The following SV2C variants were observed in gnomAD, a reference collection of about 807,000 sequenced individuals.
SV2C encodes the protein solute carrier family 22 member B3.
In SV2C, 49 loss-of-function variants were observed where a neutral mutation model predicts 79.7. That is an observed-to-expected ratio of 0.61 (90% CI 0.49 to 0.78). The LOEUF (loss-of-function observed/expected upper bound fraction) is 0.78, where lower values mean the gene tolerates loss of function less well. Ranked by LOEUF, SV2C falls within the 30% of genes least tolerant of loss-of-function variation. The probability of loss-of-function intolerance (pLI) is 0.00; values close to 1 mark genes in which losing one functional copy is unlikely to be tolerated. For missense variants in SV2C, 833 were observed against 912.9 expected, an observed-to-expected ratio of 0.91 and a Z score of 1.13; for synonymous variants, 334 against 333.2, an observed-to-expected ratio of 1.00 and a Z score of -0.03.
At chr5:76,192,758 A>G (rs1225258215) in intron 2 of SV2C, among the ~76,000 whole-genome samples, 1 of 152,200 alleles carries the variant, frequency 6.6e-6, no homozygotes, top group African/African-American at 2.4e-5. Context: ...AGAATGCCCA[A>G]TGGAACAGTT....
At chr5:76,155,631 G>A (rs1020475704) in intron 2 of SV2C, among the ~76,000 whole-genome samples, 16 of 152,148 alleles carry the variant, frequency 1.1e-4, no homozygotes, top group Non-Finnish European at 1.8e-4. Flanking sequence ...TACCTTGAAT[G>A]TGGCGTGCTG....
chr5:75,885,784 T>C, the SV2C span, among the ~76,000 whole-genome samples: 6 of 152,128 alleles, frequency 3.9e-5, no homozygotes, highest in Middle Eastern at 6.8e-3. Flanking sequence ...AGCTTACAAG[T>C]AGGGTAAACA....
At chr5:76,280,680 G>T (rs1580015955) in intron 4 of SV2C, among the ~76,000 whole-genome samples, 1 of 152,180 alleles carries the variant, frequency 6.6e-6, no homozygotes, top group East Asian at 1.9e-4. Context: ...TGGCCTGGCT[G>T]CTTTCCCCGG....
intron 8 of SV2C, among the ~76,000 whole-genome samples, chr5:76,293,044 G>A (rs946233843): frequency 5.3e-5 from 8 of 152,198 alleles, no homozygotes; most frequent in Admixed American, 1.3e-4. Context: ...GGTGGAATAC[G>A]GAGAAAGAAG....
chr5:75,984,200 G>T, the SV2C span, among the ~76,000 whole-genome samples: 6 of 152,150 alleles, frequency 3.9e-5, no homozygotes, highest in Non-Finnish European at 8.8e-5. Flanking sequence ...TACTGTTCTT[G>T]GTTGTGGAGG....
the SV2C span, among the ~76,000 whole-genome samples, chr5:76,060,919 A>G: frequency 6.6e-6 from 1 of 152,026 alleles, no homozygotes; most frequent in Admixed American, 6.6e-5. Context: ...AGGCCACTGT[A>G]GGGTTATTAA....
At chr5:76,069,809 A>G in the SV2C span, among the ~76,000 whole-genome samples, 1 of 145,356 alleles carries the variant, frequency 6.9e-6, no homozygotes, top group Non-Finnish European at 1.5e-5. Context: ...ACTGTCTCCA[A>G]CCCCCGTTTC....
rs940278479 is a variant in SV2C, at chr5:76,201,899, T to C, written c.761+6800T>C. ...CAGGCGTGGTGGCAGGCGCCTGTAG[T>C]CCCAGCCACTCGGGAGGCTGAGGCA... On this transcript the variant is annotated intron_variant, in intron 3 of 12. Transcript: ENST00000502798. 7.3e-5 allele frequency among the ~76,000 whole-genome samples: 11 copies of C among 150,682 alleles called. No homozygotes were observed. The East Asian group carries it at 1.8e-3, about 25-fold the overall frequency.
At chr5:75,948,819 T>C in the SV2C span, among the ~76,000 whole-genome samples, 7 of 151,852 alleles carry the variant, frequency 4.6e-5, no homozygotes, top group African/African-American at 1.7e-4. Flanking sequence ...GGAAAGGAGA[T>C]AAGAACAATG....
Position 76,300,906 on chromosome 5 carries a change from A to C in SV2C, c.1814A>C (p.Asp605Ala). ...AACATTGTGTCTGCTCTGCTGATGG[A>C]CAGAATTGGGCGCTTAACAATGCTA... ...PGNIVSALLM[D>A]RIGRLTMLGG... is the part of the protein sequence containing the mutation. The change falls in exon 11 of 13, where the codon GAC becomes GCC. Residue 605 changes from aspartate to alanine, a missense_variant. Physicochemically the swap from Asp to Ala is moderately radical, Grantham distance 126. Transcript: ENST00000502798. 1 of 1,614,060 alleles carries C rather than the reference A, an allele frequency of 6.2e-7. No individual in the cohort carries two copies. Among genetic ancestry groups the C allele is most frequent in the Non-Finnish European group, 8.5e-7 (1 of 1,179,978 alleles).
chr5:76,177,377 G>A (rs147835012), intron 2 of SV2C, among the ~76,000 whole-genome samples: 76 of 151,478 alleles, frequency 5.0e-4, no homozygotes, highest in African/African-American at 1.6e-3. Context: ...AGATAGTACC[G>A]TCCCCTATAT....
At position 76,115,916 on chromosome 5, in the gene SV2C, G is replaced by C. The variant is rs565800139; in HGVS notation, c.-101-15734G>C. ...GGCCTCATTGCCATTCTCTGCCTGA[G>C]CCCCTTTACTCTTGCTGTCTTCCAT... On this transcript the variant is annotated intron_variant, in intron 1 of 12. Coordinates refer to ENST00000502798, the MANE Select transcript of SV2C (RefSeq NM_014979.4). Among the ~76,000 whole-genome samples, 22 of 152,322 alleles carry C rather than the reference G, an allele frequency of 1.4e-4. 1 individual carries two copies. The South Asian group carries it at 4.3e-3, about 30-fold the overall frequency.
chr5:76,015,371 G>A, the SV2C span, among the ~76,000 whole-genome samples: 2 of 152,112 alleles, frequency 1.3e-5, no homozygotes, highest in Non-Finnish European at 2.9e-5. Context: ...GCCTACCTTA[G>A]CCTAGCCTAG....
chr5:75,875,429 C>A, the SV2C span, among the ~76,000 whole-genome samples: 2 of 152,100 alleles, frequency 1.3e-5, no homozygotes, highest in Non-Finnish European at 2.9e-5. Flanking sequence ...CAAAAATCAA[C>A]TCAAGATGAA....
intron 2 of SV2C, among the ~76,000 whole-genome samples, chr5:76,168,529 T>C (rs977930925): frequency 2.0e-5 from 3 of 152,186 alleles, no homozygotes; most frequent in African/African-American, 7.2e-5. Context: ...GATGATGTCG[T>C]GAAGGAGGTA....
the SV2C span, among the ~76,000 whole-genome samples, chr5:76,039,209 A>G: frequency 2.0e-5 from 3 of 152,214 alleles, no homozygotes; most frequent in South Asian, 2.1e-4. Context: ...GCCTTCAACA[A>G]TGAGGACCAA....
At chr5:76,174,124 A>G (rs1284252418) in intron 2 of SV2C, 2 of 1,603,972 alleles carry the variant, frequency 1.2e-6, no homozygotes, top group Non-Finnish European at 1.7e-6. Context: ...CAAATTGTAC[A>G]GTCAAAGCAG....
intron 2 of SV2C, among the ~76,000 whole-genome samples, chr5:76,182,940 TGAGAGAGAGAGAGAGAGACAGA>T (rs1194685125): frequency 6.9e-6 from 1 of 145,232 alleles, no homozygotes; most frequent in Non-Finnish European, 1.5e-5. Flanking sequence ...TGTGTGTATG[TGAGAGAGAGAGAGAGAGACAGA>T]GAGAGAGAGA....
At chr5:76,237,816 A>G (rs1383752850) in intron 4 of SV2C, among the ~76,000 whole-genome samples, 1 of 151,992 alleles carries the variant, frequency 6.6e-6, no homozygotes, top group Non-Finnish European at 1.5e-5. Context: ...CCTTGGCTTT[A>G]TATATGACCT....
Sources: gnomAD v4.1 joint callset for allele counts (sites outside exome capture counted in the v4.1 genomes callset) on GRCh38, gnomAD v4.1.1 for gene constraint, MANE v1.5 for transcripts, NCBI Gene and HGNC (gene_info 2026-07-23, HGNC 2026-07-21) for gene names.